SYTL5: variants seen among roughly 807,000 people sequenced by gnomAD.
SYTL5 encodes synaptotagmin-like protein 5.
In SYTL5, 34 loss-of-function variants were observed where a neutral mutation model predicts 55.9. That is an observed-to-expected ratio of 0.61 (90% CI 0.46 to 0.81). The LOEUF is 0.81. Ranked by LOEUF, SYTL5 falls within the 30% of genes least tolerant of loss-of-function variation. The pLI is 0.00. For missense variants in SYTL5, 637 were observed against 546.7 expected (o/e 1.17, Z -1.65); for synonymous variants, 221 against 188.7 (o/e 1.17, Z -1.40).
the SYTL5 span, among the ~76,000 whole-genome samples, chrX:37,939,202 G>A: frequency 5.6e-5 from 6 of 108,039 alleles, no homozygotes; most frequent in East Asian, 1.7e-3. Context: ...CAGAGGTTGC[G>A]GTGAGCTGAG....
the SYTL5 span, among the ~76,000 whole-genome samples, chrX:37,982,802 G>A: frequency 1.8e-5 from 2 of 111,257 alleles, no homozygotes; most frequent in Non-Finnish European, 3.8e-5. Context: ...ATAAGTATAT[G>A]TTTGCTCTTT....
chrX:38,088,333 C>T (rs1936707954), intron 6 of SYTL5, among the ~76,000 whole-genome samples: 1 of 112,068 alleles, frequency 8.9e-6, no homozygotes, highest in Non-Finnish European at 1.9e-5. Flanking sequence ...TCACTATTAA[C>T]CACTGCTGGT....
chrX:38,036,704 G>A (rs1045642298), intron 2 of SYTL5, among the ~76,000 whole-genome samples: 2 of 111,972 alleles, frequency 1.8e-5, no homozygotes, highest in Admixed American at 9.5e-5. Flanking sequence ...ATGATGTTGA[G>A]GGTGTATGCT....
At chrX:37,987,440 A>G in the SYTL5 span, among the ~76,000 whole-genome samples, 1 of 111,999 alleles carries the variant, frequency 8.9e-6, no homozygotes, top group African/African-American at 3.2e-5. Flanking sequence ...TGAAATACAT[A>G]TTTGTTTGGG....
At chrX:38,021,109 C>T (rs1272975366) in intron 1 of SYTL5, among the ~76,000 whole-genome samples, 3 of 111,449 alleles carry the variant, frequency 2.7e-5, no homozygotes, top group Non-Finnish European at 5.7e-5. Context: ...CCTTGGGTGA[C>T]CACAGTTTAT....
the SYTL5 span, among the ~76,000 whole-genome samples, chrX:37,936,161 CAAG>C: frequency 8.9e-6 from 1 of 112,047 alleles, no homozygotes; most frequent in East Asian, 2.8e-4. Flanking sequence ...GTCAATCCAA[CAAG>C]AAGATATGAA....
At chrX:38,065,026 G>A (rs933397338) in intron 3 of SYTL5, among the ~76,000 whole-genome samples, 1 of 110,767 alleles carries the variant, frequency 9.0e-6, no homozygotes, top group African/African-American at 3.3e-5. Flanking sequence ...CTCATCCCAT[G>A]TTATCCTTTC....
At chrX:38,019,775 A>G (rs1172300165) in intron 1 of SYTL5, among the ~76,000 whole-genome samples, 1 of 110,811 alleles carries the variant, frequency 9.0e-6, no homozygotes, top group Non-Finnish European at 1.9e-5. Flanking sequence ...AGCTGGGACT[A>G]CAGGTGTGTG....
intron 2 of SYTL5, among the ~76,000 whole-genome samples, chrX:38,042,475 A>T (rs1935314860): frequency 9.0e-6 from 1 of 111,727 alleles, no homozygotes; most frequent in Non-Finnish European, 1.9e-5. Flanking sequence ...TTTATTTTTT[A>T]AAAATCCACA....
chrX:38,000,780 G>T, the SYTL5 span, among the ~76,000 whole-genome samples: 2 of 111,842 alleles, frequency 1.8e-5, no homozygotes, highest in African/African-American at 6.5e-5. Flanking sequence ...AGCAGATAGC[G>T]AAGCCAGAAG....
rs1937695730 is a variant in SYTL5, at chrX:38,127,819, G to C, written c.*1089G>C. The stretch of plus-strand genomic sequence containing the variant: ...CCTGCTATAGGCCTGAGGTTCTAGG[G>C]CTTCTTATGCCTCATCCTCTTTAAG... On this transcript the variant is annotated 3_prime_UTR_variant, in exon 17 of 17. Coordinates refer to ENST00000297875, the MANE Select transcript of SYTL5 (RefSeq NM_138780.3). The C allele has an allele frequency of 8.9e-6, 1 of 112,150 alleles. No homozygotes were observed. The highest frequency in any genetic ancestry group is 1.9e-5 in the Non-Finnish European group (1 of 53,252). 9.2% of individuals were successfully genotyped at this position (112,150 alleles called of 1,213,427 possible). A position where few individuals can be genotyped will look rare whatever the true frequency, so the allele number is the denominator to read the frequency against.
At chrX:37,987,305 C>T in the SYTL5 span, among the ~76,000 whole-genome samples, 8 of 112,078 alleles carry the variant, frequency 7.1e-5, no homozygotes, top group Non-Finnish European at 1.5e-4. Flanking sequence ...TGGATAGGGG[C>T]CAAGGTACTG....
At chrX:38,124,583 G>T (rs376899088) in intron 15 of SYTL5, among the ~76,000 whole-genome samples, 16 of 111,790 alleles carry the variant, frequency 1.4e-4, no homozygotes, top group Non-Finnish European at 7.5e-5. Context: ...GGATACAGGC[G>T]TTTTATTTGA....
At chrX:38,025,954 A>G (rs1261326605) in intron 1 of SYTL5, among the ~76,000 whole-genome samples, 1 of 112,415 alleles carries the variant, frequency 8.9e-6, no homozygotes, top group East Asian at 2.8e-4. Context: ...GGAGAACTCC[A>G]TAGACAGGAC....
intron 15 of SYTL5, among the ~76,000 whole-genome samples, chrX:38,123,015 T>C (rs1937589054): frequency 8.9e-6 from 1 of 112,665 alleles, no homozygotes; most frequent in African/African-American, 3.2e-5. Context: ...TGCCAGACCA[T>C]GAGGTTCATT....
chrX:37,897,532 A>C, the SYTL5 span, among the ~76,000 whole-genome samples: 1 of 110,600 alleles, frequency 9.0e-6, no homozygotes, highest in African/African-American at 3.3e-5. Flanking sequence ...CAAGGGGCCA[A>C]ATACATGTCT....
chrX:38,056,259 C>T (rs1259286512), intron 3 of SYTL5, among the ~76,000 whole-genome samples: 1 of 111,716 alleles, frequency 9.0e-6, no homozygotes, highest in Non-Finnish European at 1.9e-5. Flanking sequence ...ATATAATGGC[C>T]TCTATTTTCA....
chrX:38,005,333 A>G (rs981125222), upstream of SYTL5, among the ~76,000 whole-genome samples: 12 of 112,001 alleles, frequency 1.1e-4, no homozygotes, highest in South Asian at 2.2e-3. Flanking sequence ...ACATGCAAAG[A>G]AACAAGAAAA....
At chrX:37,916,414 C>T in the SYTL5 span, among the ~76,000 whole-genome samples, 3 of 112,617 alleles carry the variant, frequency 2.7e-5, no homozygotes, top group African/African-American at 9.7e-5. Context: ...ACTGCTTAAG[C>T]ATACAGGAAA....
Sources: gnomAD v4.1 joint callset for allele counts (sites outside exome capture counted in the v4.1 genomes callset) on GRCh38, gnomAD v4.1.1 for gene constraint, MANE v1.5 for transcripts, NCBI Gene and HGNC (gene_info 2026-07-23, HGNC 2026-07-21) for gene names.